KIF26A: variants seen among roughly 807,000 people sequenced by gnomAD.
KIF26A encodes the protein kinesin-like protein KIF26A.
Under a neutral mutation model 126.0 loss-of-function variants are expected in KIF26A, and 74 were observed. The ratio of observed to expected loss-of-function variants is 0.59; its 90% confidence interval spans 0.49 to 0.71. KIF26A has a LOEUF of 0.71. Ranked by LOEUF, KIF26A falls within the 30% of genes least tolerant of loss-of-function variation. The pLI, the probability that KIF26A is intolerant of heterozygous loss-of-function variation, is 0.00. For synonymous variants in KIF26A, 1,445 were observed against 1,232.7 expected (o/e 1.17, Z -3.61); for missense variants, 2,984 against 2,763.3 (o/e 1.08, Z -1.79).
intron 5 of KIF26A, among the ~76,000 whole-genome samples, chr14:104,167,345 T>C (rs1206527588): frequency 1.3e-5 from 2 of 151,428 alleles, no homozygotes; most frequent in East Asian, 1.9e-4. Context: ...GGGACTAAGG[T>C]TGGGTTTGAT....
At chr14:104,154,270 C>T (rs760402292) in intron 3 of KIF26A, among the ~76,000 whole-genome samples, 1 of 152,170 alleles carries the variant, frequency 6.6e-6, no homozygotes, top group African/African-American at 2.4e-5. Flanking sequence ...GCTGCAGCCC[C>T]CTCTGTTACA....
Position 104,180,003 on chromosome 14 carries a change from A to C in KIF26A, c.*213A>C. 2.1e-6 allele frequency: 1 copy of C among 477,144 alleles called. No homozygotes were observed. The highest frequency in any genetic ancestry group is 3.6e-6 in the Non-Finnish European group (1 of 275,570). 29.6% of individuals were successfully genotyped at this position (477,144 alleles called of 1,614,324 possible). Reference sequence around the variant, plus strand: ...CCAGGGTGACCAGAAGACCGTCACCACCCGACAGCAACGCAAGTGCCTTTG... The same window carrying C: ...CCAGGGTGACCAGAAGACCGTCACCCCCCGACAGCAACGCAAGTGCCTTTG... On this transcript the variant is annotated 3_prime_UTR_variant, in exon 15 of 15. Coordinates refer to ENST00000423312, the MANE Select transcript of KIF26A (RefSeq NM_015656.2).
chr14:104,175,512 C>T lies in KIF26A; in HGVS notation c.2724C>T (p.His908=), dbSNP rs1176341661. The part of the protein sequence containing the change: ...TPRGSSGPDT[H]QGTPEPCKAI... ...GAGGCAGTTCTGGTCCAGACACCCACCAGGGTACCCCTGAGCCCTGCAAGG... is the reference window on the plus strand; with the variant it reads ...GAGGCAGTTCTGGTCCAGACACCCATCAGGGTACCCCTGAGCCCTGCAAGG... The change falls in exon 12 of 15, where the codon CAC becomes CAT. Residue 908 remains histidine (H), a synonymous_variant. Transcript: ENST00000423312. 2 of 1,598,138 alleles carry T rather than the reference C, an allele frequency of 1.3e-6. No individual in the cohort carries two copies. Among genetic ancestry groups the T allele is most frequent in the Non-Finnish European group, 8.5e-7 (1 of 1,178,570 alleles).
Position 104,175,406 on chromosome 14 carries a change from G to A in KIF26A, c.2618G>A (p.Arg873Gln), listed in dbSNP as rs1266912265. The A allele has an allele frequency of 9.4e-6, 15 of 1,594,382 alleles. No homozygotes were observed. The highest frequency in any genetic ancestry group is 6.7e-5 in the East Asian group (3 of 44,516). ...GTDGAQASPARGGRKPSPPEA... is the reference protein window; with the variant it reads ...GTDGAQASPAQGGRKPSPPEA... Reference sequence around the variant, plus strand: ...GACGGAGCTCAGGCCAGCCCCGCCCGAGGGGGCCGGAAGCCCTCGCCACCA... The same window carrying A: ...GACGGAGCTCAGGCCAGCCCCGCCCAAGGGGGCCGGAAGCCCTCGCCACCA... The change falls in exon 12 of 15, where the codon CGA becomes CAA. Residue 873 changes from arginine to glutamine, a missense_variant. Arg to Gln is a conservative substitution (Grantham distance 43, BLOSUM62 1). Transcript: ENST00000423312.
At chr14:104,145,190 G>A (rs188802007) in intron 2 of KIF26A, among the ~76,000 whole-genome samples, 19 of 152,358 alleles carry the variant, frequency 1.2e-4, no homozygotes, top group African/African-American at 3.4e-4. Context: ...GGGCTGCGTC[G>A]TCACTGTTGC....
At position 104,177,205 on chromosome 14, in the gene KIF26A, A is replaced by G. The variant is rs2038041131; in HGVS notation, c.4417A>G (p.Thr1473Ala). The G allele has an allele frequency of 1.9e-6, 3 of 1,595,628 alleles. No homozygotes were observed. The highest frequency in any genetic ancestry group is 3.3e-5 in the Admixed American group (2 of 59,704). Residue 1473 changes from threonine to alanine, a missense_variant, in exon 12 of 15, where the codon ACA becomes GCA. Thr to Ala is a moderately conservative substitution (Grantham distance 58). Transcript: ENST00000423312. ...GCTGGGTGTGCCACCCTCCAGCCCC[A>G]CACACGGTCCAGCTCCCGCCTGTAG... is the stretch of plus-strand genomic sequence containing the variant. ...PKLGVPPSSP[T>A]HGPAPACRSG...
Position 104,175,603 on chromosome 14 carries a change from G to T in KIF26A, c.2815G>T (p.Ala939Ser), listed in dbSNP as rs578234368. ...GCCTGAGCTGCTGGTCCCGGAAAAGGCTGCAGTGAGTGGAGGCAGGAGGCC... is the reference window on the plus strand; with the variant it reads ...GCCTGAGCTGCTGGTCCCGGAAAAGTCTGCAGTGAGTGGAGGCAGGAGGCC... ...AWPELLVPEKAAVSGGRRPLP... is the reference protein window; with the variant it reads ...AWPELLVPEKSAVSGGRRPLP... Residue 939 changes from alanine to serine, a missense_variant, in exon 12 of 15, where the codon GCT becomes TCT. Ala to Ser is a moderately conservative substitution (Grantham distance 99, BLOSUM62 1). Transcript: ENST00000423312. 1.6e-4 allele frequency: 256 copies of T among 1,610,648 alleles called. 2 individuals carry two copies. The South Asian group carries it at 2.8e-3, about 17-fold the overall frequency.
At position 104,169,799 on chromosome 14, in the gene KIF26A, G is replaced by T. The variant is rs1015836344; in HGVS notation, c.1114-1924G>T. ...TGGAAGCCCTTTTTTAATGCAAAATGTGTTTTTTCTCTCCCAGGCAGCTAT... is the reference window on the plus strand; with the variant it reads ...TGGAAGCCCTTTTTTAATGCAAAATTTGTTTTTTCTCTCCCAGGCAGCTAT... On this transcript the variant is annotated intron_variant, in intron 5 of 14. Transcript: ENST00000423312. Among the ~76,000 whole-genome samples, 4 of 152,312 alleles carry T rather than the reference G, an allele frequency of 2.6e-5. No individual in the cohort carries two copies. In the East Asian group the frequency reaches 7.7e-4, roughly 29 times the overall value.
rs1338443060 is a variant in KIF26A, at chr14:104,177,640, G to A, written c.4852G>A (p.Ala1618Thr). The change falls in exon 12 of 15, where the codon GCC becomes ACC. Residue 1618 changes from alanine to threonine, a missense_variant. By Grantham distance (58) the Ala-to-Thr change is moderately conservative. Transcript: ENST00000423312. Reference protein sequence around the residue: ...ALPSPYSKVTAPRRPQRYSSG... With the variant: ...ALPSPYSKVTTPRRPQRYSSG... ...GCCCTCCCCCTACAGCAAGGTGACC[G>A]CCCCACGGCGGCCCCAGCGCTACAG... 8 of 1,525,036 alleles carry A rather than the reference G, an allele frequency of 5.2e-6. No homozygotes were observed. Among genetic ancestry groups the A allele is most frequent in the East Asian group, 4.9e-5 (2 of 40,528 alleles). 94.5% of individuals were successfully genotyped at this position (1,525,036 alleles called of 1,614,324 possible).
Position 104,175,977 on chromosome 14 carries a change from G to T in KIF26A, c.3189G>T (p.Leu1063=). ...CTAGCTTCGACAGTGACTGCTCCCT[G>T]CGGGCCCTGGCCTCGGGGTCCCGGC... ...SLASFDSDCS[L]RALASGSRPV... Residue 1063 remains leucine (L), a synonymous_variant, in exon 12 of 15, where the codon CTG becomes CTT. Coordinates refer to ENST00000423312, the MANE Select transcript of KIF26A (RefSeq NM_015656.2). The T allele has an allele frequency of 6.3e-7, 1 of 1,576,476 alleles. No homozygotes were observed.
chr14:104,146,319 G>GT (rs1250695220), intron 2 of KIF26A, among the ~76,000 whole-genome samples: 1 of 152,144 alleles, frequency 6.6e-6, no homozygotes, highest in Non-Finnish European at 1.5e-5. Context: ...GCTCGTCCTG[G>GT]TCCTGCCCAA....
At chr14:104,179,164 C>T (rs1434048748) in intron 13 of KIF26A, 72 bp from the exon 14 acceptor site, 18 of 1,373,888 alleles carry the variant, frequency 1.3e-5, no homozygotes, top group Non-Finnish European at 1.6e-5. Flanking sequence ...AGGCGGGGGC[C>T]ACATCAGGGC....
At chr14:104,167,132 G>T (rs1326666122) in intron 5 of KIF26A, 84 bp downstream of exon 5, 53 of 1,331,564 alleles carry the variant, frequency 4.0e-5, no homozygotes, top group Non-Finnish European at 5.1e-5. Flanking sequence ...GGAGTGGAGG[G>T]GCTGCCACTT....
intron 4 of KIF26A, among the ~76,000 whole-genome samples, chr14:104,166,180 A>AG: frequency 6.6e-6 from 1 of 150,510 alleles, no homozygotes; most frequent in East Asian, 1.9e-4. Flanking sequence ...CGAGGGTGGC[A>AG]GGGGCCCAGG....
In KIF26A at chr14:104,172,773, C is replaced by A. The variant is rs990923482; in HGVS notation, c.1420+105C>A. ...CTGATGGGAAAGGAGGCTGGTCCTA[C>A]ACATGGGCCGTGGTGGGCATATGGG... On this transcript the variant is annotated intron_variant, in intron 7 of 14. Coordinates refer to ENST00000423312, the MANE Select transcript of KIF26A (RefSeq NM_015656.2). 7 of 1,105,664 alleles carry A rather than the reference C, an allele frequency of 6.3e-6. No homozygotes were observed. In the African/African-American group the frequency reaches 7.8e-5, roughly 12 times the overall value. 68.5% of individuals were successfully genotyped at this position (1,105,664 alleles called of 1,614,324 possible). A position where few individuals can be genotyped will look rare whatever the true frequency, so the allele number is the denominator to read the frequency against.
intron 5 of KIF26A, among the ~76,000 whole-genome samples, chr14:104,167,663 G>A (rs1285257852): frequency 6.6e-6 from 1 of 152,156 alleles, no homozygotes; most frequent in Admixed American, 6.5e-5. Flanking sequence ...CTGGCTGGAC[G>A]TGGCCCTGCC....
At chr14:104,167,269 C>G (rs2037916047) in intron 5 of KIF26A, among the ~76,000 whole-genome samples, 1 of 151,980 alleles carries the variant, frequency 6.6e-6, no homozygotes, top group South Asian at 2.1e-4. Context: ...GTGGCGTGTC[C>G]TAGGGGTCCC....
At chr14:104,143,707 C>T (rs901311797) in intron 2 of KIF26A, among the ~76,000 whole-genome samples, 1 of 152,238 alleles carries the variant, frequency 6.6e-6, no homozygotes, top group Non-Finnish European at 1.5e-5. Context: ...GGCCCCCAGA[C>T]TTGGGGCTGC....
Position 104,177,688 on chromosome 14 carries a change from A to C in KIF26A, c.4900A>C (p.Ser1634Arg). Residue 1634 changes from serine to arginine, a missense_variant, in exon 12 of 15, where the codon AGC becomes CGC. Coordinates refer to ENST00000423312, the MANE Select transcript of KIF26A (RefSeq NM_015656.2). ...RYSSGHGSDN[S>R]SVLSGELPPA... ...CAGCAGCGGCCATGGCAGCGACAAC[A>C]GCAGCGTGCTGAGTGGAGAGCTGCC... 1 of 1,531,142 alleles carries C rather than the reference A, an allele frequency of 6.5e-7. No individual in the cohort carries two copies. The highest frequency in any genetic ancestry group is 8.7e-7 in the Non-Finnish European group (1 of 1,144,088). 94.8% of individuals were successfully genotyped at this position (1,531,142 alleles called of 1,614,324 possible).
Sources: gnomAD v4.1 joint callset for allele counts (sites outside exome capture counted in the v4.1 genomes callset) on GRCh38, gnomAD v4.1.1 for gene constraint, MANE v1.5 for transcripts, NCBI Gene and HGNC (gene_info 2026-07-23, HGNC 2026-07-21) for gene names.